ZNF407: variants seen among roughly 807,000 people sequenced by gnomAD.
The protein encoded by ZNF407 is zinc finger protein 407.
In ZNF407, 17 loss-of-function variants were observed where a neutral mutation model predicts 131.2. The observed-to-expected ratio is 0.13, with a 90% CI of 0.09 to 0.19. The LOEUF (loss-of-function observed/expected upper bound fraction) is 0.19. Among genes scored for constraint, ZNF407 ranks in the 10% least tolerant of loss-of-function variants. The pLI is 1.00. For missense variants in ZNF407, 2,681 were observed against 2,830.6 expected, an observed-to-expected ratio of 0.95 and a Z score of 1.20; for synonymous variants, 1,156 against 1,062.0, an observed-to-expected ratio of 1.09 and a Z score of -1.72.
intron 8 of ZNF407, among the ~76,000 whole-genome samples, chr18:75,041,440 C>T (rs1390336362): frequency 6.6e-6 from 1 of 152,136 alleles, no homozygotes; most frequent in Non-Finnish European, 1.5e-5. Context: ...TTACCTCTCA[C>T]ACACACACTC....
intron 3 of ZNF407, among the ~76,000 whole-genome samples, chr18:74,728,878 T>C (rs1196370942): frequency 6.6e-6 from 1 of 152,148 alleles, no homozygotes; most frequent in Non-Finnish European, 1.5e-5. Flanking sequence ...CTGGGGAATT[T>C]TAGAGACTAA....
At position 74,856,017 on chromosome 18, in the gene ZNF407, C is replaced by A. The variant is rs147139287; in HGVS notation, c.4878-21180C>A. ...TCTTCCCTTTTGTTTACAACACTTACATGTCTTGGCGATTAGAACTTTCCC... is the reference window on the plus strand; with the variant it reads ...TCTTCCCTTTTGTTTACAACACTTAAATGTCTTGGCGATTAGAACTTTCCC... On this transcript the variant is annotated intron_variant, in intron 4 of 8. Transcript: ENST00000299687. Among the ~76,000 whole-genome samples the A allele has an allele frequency of 5.3e-5, 8 of 152,338 alleles. No homozygotes were observed. In the East Asian group the frequency reaches 1.5e-3, roughly 29 times the overall value.
chr18:74,888,318 A>G (rs954244763), intron 6 of ZNF407, among the ~76,000 whole-genome samples: 16 of 152,124 alleles, frequency 1.1e-4, no homozygotes, highest in Admixed American at 2.6e-4. Context: ...TACATGTATA[A>G]TATTGTTTCC....
chr18:74,741,805 A>G (rs1393284310), intron 3 of ZNF407, among the ~76,000 whole-genome samples: 3 of 152,154 alleles, frequency 2.0e-5, no homozygotes, highest in Non-Finnish European at 2.9e-5. Context: ...GAAAATTGCT[A>G]TTTAAGAGCC....
In ZNF407 at chr18:74,632,982, G is replaced by T; in HGVS notation, c.1963G>T (p.Asp655Tyr). The T allele has an allele frequency of 6.2e-7, 1 of 1,613,404 alleles. No homozygotes were observed. Among genetic ancestry groups the T allele is most frequent in the Admixed American group, 1.7e-5 (1 of 59,954 alleles). ...AAAGACTTTGCAATCATCTAACAGT[G>T]ATTTGGTTTTACAGACTTTACCTTT... ...QPKTLQSSNS[D>Y]LVLQTLPLST... Residue 655 changes from aspartate to tyrosine, a missense_variant, in exon 2 of 9, where the codon GAT (aspartate) becomes TAT (tyrosine). Coordinates refer to ENST00000299687, the MANE Select transcript of ZNF407 (RefSeq NM_017757.3).
chr18:74,690,297 A>G (rs1320011571), intron 3 of ZNF407, among the ~76,000 whole-genome samples: 2 of 152,240 alleles, frequency 1.3e-5, no homozygotes, highest in African/African-American at 2.4e-5. Context: ...AAATTAACAA[A>G]GTTAGAAAGA....
At chr18:74,608,383 C>T (rs2144614273) in intron 1 of ZNF407, among the ~76,000 whole-genome samples, 2 of 145,622 alleles carry the variant, frequency 1.4e-5, no homozygotes, top group South Asian at 4.2e-4. Flanking sequence ...GAGTCTTGCT[C>T]TGTCACTCAG....
chr18:75,063,248 C>A lies in ZNF407; in HGVS notation c.5527C>A (p.Pro1843Thr), dbSNP rs781472893. 1.1e-5 allele frequency: 17 copies of A among 1,613,484 alleles called. No individual in the cohort carries two copies. In the East Asian group the frequency reaches 3.1e-4, roughly 30 times the overall value. ...CACCGCGGCGGCCTTGGCAGAAGAG[C>A]CCCTCGTCAAGGAGAAGCCCCTCAG... Reference protein sequence around the residue: ...PFTAAALAEEPLVKEKPLRSS... With the variant: ...PFTAAALAEETLVKEKPLRSS... Residue 1843 changes from proline to threonine, a missense_variant, in exon 9 of 9, where the codon CCC becomes ACC. By Grantham distance (38) the Pro-to-Thr change is conservative. This residue lies in a region of ZNF407 where 620 missense variants were observed against 583.1 expected (regional missense o/e 1.06). Coordinates refer to ENST00000299687, the MANE Select transcript of ZNF407 (RefSeq NM_017757.3). The surrounding 1 kb of genome is among the most constrained non-coding windows in gnomAD (Gnocchi z 6.6).
chr18:74,857,800 T>G (rs1438408545), intron 4 of ZNF407, among the ~76,000 whole-genome samples: 2 of 152,092 alleles, frequency 1.3e-5, no homozygotes, highest in Non-Finnish European at 2.9e-5. Flanking sequence ...TGGTTATATT[T>G]TATGTTGATG....
chr18:75,011,903 T>G (rs1338953432), intron 8 of ZNF407, among the ~76,000 whole-genome samples: 1 of 152,136 alleles, frequency 6.6e-6, no homozygotes, highest in African/African-American at 2.4e-5. Flanking sequence ...TTCTAGCAAG[T>G]GTTTAGGAAG....
intron 3 of ZNF407, among the ~76,000 whole-genome samples, chr18:74,684,224 A>ATT: frequency 6.6e-6 from 1 of 150,406 alleles, no homozygotes; most frequent in African/African-American, 2.4e-5. Flanking sequence ...AAAAGTAAGG[A>ATT]TTTTTTTTTT....
intron 3 of ZNF407, among the ~76,000 whole-genome samples, chr18:74,680,884 C>A (rs1473792949): frequency 6.6e-6 from 1 of 152,084 alleles, no homozygotes; most frequent in Non-Finnish European, 1.5e-5. Flanking sequence ...TCAGTGCTCA[C>A]CCTTTTAAAT....
At chr18:74,981,280 G>A (rs1346346588) in intron 8 of ZNF407, among the ~76,000 whole-genome samples, 4 of 152,232 alleles carry the variant, frequency 2.6e-5, no homozygotes, top group Admixed American at 1.3e-4. Flanking sequence ...ACATGCCACA[G>A]GTGTCCGCAG....
chr18:74,932,934 C>G (rs184584748), intron 8 of ZNF407, among the ~76,000 whole-genome samples: 15 of 152,240 alleles, frequency 9.9e-5, no homozygotes, highest in Non-Finnish European at 1.9e-4. Flanking sequence ...AACCCTTATG[C>G]GCTGCTGAAG....
intron 4 of ZNF407, among the ~76,000 whole-genome samples, chr18:74,844,391 G>A (rs1392137300): frequency 6.6e-6 from 1 of 152,150 alleles, no homozygotes; most frequent in East Asian, 1.9e-4. Flanking sequence ...CTTCTCTAAG[G>A]CACAAATTGC....
intron 8 of ZNF407, among the ~76,000 whole-genome samples, chr18:75,053,200 C>T (rs188845469): frequency 6.6e-6 from 1 of 152,330 alleles, no homozygotes; most frequent in Admixed American, 6.5e-5. Flanking sequence ...ACTGTTCCCT[C>T]TAGACACAGT....
At chr18:74,733,732 T>C (rs901744816) in intron 3 of ZNF407, among the ~76,000 whole-genome samples, 2 of 152,236 alleles carry the variant, frequency 1.3e-5, no homozygotes, top group African/African-American at 2.4e-5. Context: ...GGAACTGAAC[T>C]GTGCTGCTTT....
At chr18:74,884,948 C>T (rs965365574) in intron 6 of ZNF407, among the ~76,000 whole-genome samples, 12 of 152,112 alleles carry the variant, frequency 7.9e-5, no homozygotes, top group Non-Finnish European at 1.5e-4. Flanking sequence ...AGTTTGAAGA[C>T]ACCTACCAAC....
At chr18:74,882,648 A>T (rs943906477) in intron 6 of ZNF407, among the ~76,000 whole-genome samples, 1 of 152,206 alleles carries the variant, frequency 6.6e-6, no homozygotes, top group African/African-American at 2.4e-5. Flanking sequence ...AATGTTTAGC[A>T]CAATGTTGGA....
Sources: gnomAD v4.1 joint callset for allele counts (sites outside exome capture counted in the v4.1 genomes callset) on GRCh38, gnomAD v4.1.1 for gene constraint, gnomAD v4.1.1 regional missense constraint, Gnocchi (gnomAD v3.1) non-coding constraint, MANE v1.5 for transcripts, NCBI Gene and HGNC (gene_info 2026-07-23, HGNC 2026-07-21) for gene names.